KATNIP: variants seen among roughly 807,000 people sequenced by gnomAD.
KATNIP encodes the protein katanin interacting protein.
A neutral mutation model predicts 174.0 loss-of-function variants in KATNIP; 126 were observed. The ratio of observed to expected loss-of-function variants is 0.72; its 90% CI spans 0.63 to 0.84. The LOEUF (loss-of-function observed/expected upper bound fraction) is 0.84, where lower values mean the gene tolerates loss of function less well. Ranked by LOEUF, KATNIP falls within the 40% of genes least tolerant of loss-of-function variation. The pLI is 0.00. For synonymous variants in KATNIP, 810 were observed against 835.7 expected (o/e 0.97, Z 0.53); for missense variants, 1,958 against 2,109.7 (o/e 0.93, Z 1.41).
At chr16:27,772,928 G>C (rs2082361589) in intron 22 of KATNIP, among the ~76,000 whole-genome samples, 171 bp from the exon 23 acceptor site, 2 of 151,978 alleles carry the variant, frequency 1.3e-5, no homozygotes, top group African/African-American at 4.8e-5. Flanking sequence ...TGCAATTTAA[G>C]AAAATGTGAT....
chr16:27,595,106 C>G (rs1176268919), intron 2 of KATNIP, among the ~76,000 whole-genome samples: 1 of 152,078 alleles, frequency 6.6e-6, no homozygotes, highest in Non-Finnish European at 1.5e-5. Context: ...AGATGTGGGC[C>G]GGGCATGGTG....
intron 2 of KATNIP, among the ~76,000 whole-genome samples, chr16:27,578,734 T>A (rs2090590087): frequency 6.6e-6 from 1 of 152,156 alleles, no homozygotes; most frequent in African/African-American, 2.4e-5. Flanking sequence ...TGTCCCACCA[T>A]GCCTGACTAA....
At chr16:27,676,186 C>G (rs1051907737) in intron 6 of KATNIP, among the ~76,000 whole-genome samples, 1 of 152,192 alleles carries the variant, frequency 6.6e-6, no homozygotes. Context: ...ATCTTCAGCA[C>G]TTTGCTTGGA....
intron 6 of KATNIP, 65 bp from the exon 7 acceptor site, chr16:27,677,664 T>C: frequency 6.8e-7 from 1 of 1,471,948 alleles, no homozygotes; most frequent in Non-Finnish European, 9.2e-7. Context: ...AAATGATCTA[T>C]TTTCAAATAA....
At chr16:27,696,373 A>G (rs12918608) in intron 8 of KATNIP, among the ~76,000 whole-genome samples, 29,604 of 152,104 alleles carry the variant, frequency 0.19, 3,215 homozygotes, top group African/African-American at 0.3. Flanking sequence ...TCAGGAATAC[A>G]TGTGCAGGTT....
At chr16:27,599,998 C>T (rs775740631) in intron 2 of KATNIP, among the ~76,000 whole-genome samples, 2 of 152,194 alleles carry the variant, frequency 1.3e-5, no homozygotes, top group African/African-American at 2.4e-5. Context: ...TCCTCTGCAG[C>T]GAAGCTTCAC....
chr16:27,662,792 T>C (rs1292003394), intron 6 of KATNIP, among the ~76,000 whole-genome samples: 2 of 152,236 alleles, frequency 1.3e-5, no homozygotes, highest in Admixed American at 6.5e-5. Flanking sequence ...TTAGGTATGA[T>C]GTGAAACAAT....
At chr16:27,558,194 G>T (rs1436029726) in intron 1 of KATNIP, among the ~76,000 whole-genome samples, 1 of 152,124 alleles carries the variant, frequency 6.6e-6, no homozygotes, top group Non-Finnish European at 1.5e-5. Flanking sequence ...CACCCAGGCT[G>T]GAGTGCAGTG....
chr16:27,701,232 A>C (rs964002), intron 10 of KATNIP, among the ~76,000 whole-genome samples: 16,749 of 151,888 alleles, frequency 0.11, 1,161 homozygotes, highest in Middle Eastern at 0.19. Context: ...ACCATAGCTT[A>C]CTGCAGCCTC....
At chr16:27,660,248 C>T (rs1364048405) in intron 6 of KATNIP, among the ~76,000 whole-genome samples, 1 of 152,110 alleles carries the variant, frequency 6.6e-6, no homozygotes, top group African/African-American at 2.4e-5. Flanking sequence ...ATCTTATTCC[C>T]ATATTACAAA....
At chr16:27,742,207 G>A (rs1282324596) in intron 15 of KATNIP, among the ~76,000 whole-genome samples, 1 of 152,116 alleles carries the variant, frequency 6.6e-6, no homozygotes, top group Admixed American at 6.5e-5. Context: ...AGTACGGATA[G>A]CAGCTAGGAG....
At chr16:27,608,859 G>T (rs572094709) in intron 2 of KATNIP, among the ~76,000 whole-genome samples, 1 of 152,174 alleles carries the variant, frequency 6.6e-6, no homozygotes, top group South Asian at 2.1e-4. Context: ...CTCAGCACCC[G>T]GCAATCTAGC....
At chr16:27,737,878 C>G (rs1269116930) in intron 14 of KATNIP, among the ~76,000 whole-genome samples, 1 of 152,108 alleles carries the variant, frequency 6.6e-6, no homozygotes, top group Non-Finnish European at 1.5e-5. Context: ...AGATATAAAT[C>G]AGAATTGTCC....
chr16:27,767,863 G>A lies in KATNIP; in HGVS notation c.3975+1389G>A, dbSNP rs547827079. 2.8e-4 allele frequency among the ~76,000 whole-genome samples: 43 copies of A among 152,254 alleles called. No individual in the cohort carries two copies. In the East Asian group the frequency reaches 3.3e-3, roughly 12 times the overall value. ...AATGCCGCCCTGTGTCTCTATGAAC[G>A]CTCCCCTGGGTTCAACACATTGAAG... is the stretch of plus-strand genomic sequence containing the variant. On this transcript the variant is annotated intron_variant, in intron 20 of 27. Transcript: ENST00000261588.
chr16:27,775,458 G>T (rs185131981), intron 24 of KATNIP, among the ~76,000 whole-genome samples: 1 of 152,248 alleles, frequency 6.6e-6, no homozygotes, highest in Admixed American at 6.5e-5. Flanking sequence ...CCAGCTCTCC[G>T]CACACTCACG....
chr16:27,566,835 G>A (rs1357345729), intron 1 of KATNIP, among the ~76,000 whole-genome samples: 1 of 152,174 alleles, frequency 6.6e-6, no homozygotes, highest in Non-Finnish European at 1.5e-5. Flanking sequence ...AGAAAGCACT[G>A]GAGAAACTGA....
intron 16 of KATNIP, 113 bp downstream of exon 16, chr16:27,750,419 C>CTTT (rs369243500): frequency 2.8e-4 from 187 of 670,030 alleles, no homozygotes; most frequent in Non-Finnish European, 3.5e-4. Context: ...CTTTCTCTTT[C>CTTT]TTTTTTTTTT....
chr16:27,626,389 C>G (rs1164781103), intron 3 of KATNIP, among the ~76,000 whole-genome samples: 1 of 152,188 alleles, frequency 6.6e-6, no homozygotes, highest in East Asian at 1.9e-4. Flanking sequence ...CCGGAATGTG[C>G]TTACTGGGCA....
intron 2 of KATNIP, among the ~76,000 whole-genome samples, chr16:27,581,294 T>G (rs554734760): frequency 6.6e-6 from 1 of 152,348 alleles, no homozygotes; most frequent in East Asian, 1.9e-4. Flanking sequence ...CACATAGGAA[T>G]AGCCAAAGGT....
Sources: allele counts gnomAD v4.1 joint callset (sites outside exome capture counted in the v4.1 genomes callset), GRCh38; gene constraint gnomAD v4.1.1; transcripts MANE v1.5; gene names NCBI Gene and HGNC (gene_info 2026-07-23, HGNC 2026-07-21).